The following TNFSF4 variants were observed in gnomAD, a reference collection of about 807,000 sequenced individuals.
The protein encoded by TNFSF4 is tumor necrosis factor ligand superfamily member 4.
In TNFSF4, 4 loss-of-function variants were observed where a neutral mutation model predicts 7.3. The ratio of observed to expected loss-of-function variants is 0.55; its 90% confidence interval spans 0.27 to 1.25. The LOEUF is 1.25. TNFSF4 is among the 50% of genes most tolerant of loss of function. The pLI, the probability that TNFSF4 is intolerant of heterozygous loss-of-function variation, is 0.12. For synonymous variants in TNFSF4, 76 were observed against 83.7 expected (o/e 0.91, Z 0.50); for missense variants, 181 against 208.8 (o/e 0.87, Z 0.82).
the TNFSF4 span, among the ~76,000 whole-genome samples, chr1:173,439,493 G>A: frequency 5.3e-5 from 8 of 152,184 alleles, no homozygotes; most frequent in African/African-American, 1.7e-4. Flanking sequence ...GGTTCAGGGG[G>A]CACCAGTGGC....
chr1:173,361,339 C>G, the TNFSF4 span, among the ~76,000 whole-genome samples: 2 of 152,194 alleles, frequency 1.3e-5, no homozygotes, highest in African/African-American at 4.8e-5. Context: ...TGAGCCACCC[C>G]TCTTCATAAG....
At chr1:173,421,385 T>C in the TNFSF4 span, among the ~76,000 whole-genome samples, 3 of 151,946 alleles carry the variant, frequency 2.0e-5, no homozygotes, top group Non-Finnish European at 4.4e-5. Flanking sequence ...AGGTAAGCAA[T>C]GTAATGAAGG....
chr1:173,206,952 G>T (rs958266917), intron 1 of TNFSF4, 72 bp downstream of exon 1: 3 of 1,488,432 alleles, frequency 2.0e-6, no homozygotes, highest in South Asian at 1.4e-5. Context: ...ATTTCCAAGC[G>T]ACTGTTTGCA....
At chr1:173,434,185 C>G in the TNFSF4 span, among the ~76,000 whole-genome samples, 1 of 152,200 alleles carries the variant, frequency 6.6e-6, no homozygotes, top group Non-Finnish European at 1.5e-5. Flanking sequence ...GTGGTATTTT[C>G]TTACAGCATC....
the TNFSF4 span, among the ~76,000 whole-genome samples, chr1:173,323,618 A>G: frequency 6.6e-6 from 1 of 152,196 alleles, no homozygotes; most frequent in Admixed American, 6.5e-5. Context: ...ACTTTGAAAA[A>G]AATTAGATGA....
chr1:173,246,606 T>C, the TNFSF4 span, among the ~76,000 whole-genome samples: 2 of 152,256 alleles, frequency 1.3e-5, no homozygotes, highest in African/African-American at 2.4e-5. Context: ...TCCTAAGAAA[T>C]GCTGAACATA....
chr1:173,203,765 G>C (rs572261119), intron 1 of TNFSF4, among the ~76,000 whole-genome samples: 136 of 152,312 alleles, frequency 8.9e-4, no homozygotes, highest in African/African-American at 3.1e-3. Flanking sequence ...TCAGGTCTTT[G>C]AGCATGATGA....
chr1:173,224,733 C>G, the TNFSF4 span, among the ~76,000 whole-genome samples: 1 of 152,182 alleles, frequency 6.6e-6, no homozygotes, highest in African/African-American at 2.4e-5. Context: ...ACTCCCTAAG[C>G]TATAGTGAAG....
the TNFSF4 span, among the ~76,000 whole-genome samples, chr1:173,234,544 C>T: frequency 1.3e-5 from 2 of 152,088 alleles, no homozygotes; most frequent in African/African-American, 4.8e-5. Flanking sequence ...TGGAACCAAC[C>T]CAAATGTCCA....
the TNFSF4 span, among the ~76,000 whole-genome samples, chr1:173,260,032 A>G: frequency 1.2e-4 from 18 of 152,294 alleles, no homozygotes; most frequent in South Asian, 3.5e-3. Context: ...CCCAAGACAC[A>G]TAATCGTCAG....
At chr1:173,245,961 C>T in the TNFSF4 span, among the ~76,000 whole-genome samples, 6 of 152,174 alleles carry the variant, frequency 3.9e-5, no homozygotes, top group Admixed American at 3.9e-4. Context: ...AGTTTTTGTA[C>T]TACATTTTTT....
the TNFSF4 span, among the ~76,000 whole-genome samples, chr1:173,302,251 T>G: frequency 1.3e-5 from 2 of 152,000 alleles, no homozygotes; most frequent in East Asian, 3.9e-4. Context: ...AAACACACTT[T>G]GACACTCATT....
At chr1:173,374,006 G>A in the TNFSF4 span, among the ~76,000 whole-genome samples, 1 of 152,142 alleles carries the variant, frequency 6.6e-6, no homozygotes, top group Non-Finnish European at 1.5e-5. Context: ...CCTCAGAGAA[G>A]GTCGAGAAGG....
chr1:173,353,514 G>T, the TNFSF4 span, among the ~76,000 whole-genome samples: 1 of 152,186 alleles, frequency 6.6e-6, no homozygotes, highest in Non-Finnish European at 1.5e-5. Context: ...AGCCACTCAT[G>T]ATCTCATTTG....
At chr1:173,257,204 A>G in the TNFSF4 span, among the ~76,000 whole-genome samples, 1 of 152,114 alleles carries the variant, frequency 6.6e-6, no homozygotes, top group Admixed American at 6.5e-5. Context: ...TGCACTGATG[A>G]CTCCATATTG....
the TNFSF4 span, among the ~76,000 whole-genome samples, chr1:173,222,511 G>C: frequency 6.6e-6 from 1 of 152,174 alleles, no homozygotes; most frequent in Admixed American, 6.5e-5. Flanking sequence ...AGGAAGGACT[G>C]GTTTAAAATT....
At chr1:173,420,423 T>A in the TNFSF4 span, among the ~76,000 whole-genome samples, 1 of 152,198 alleles carries the variant, frequency 6.6e-6, no homozygotes, top group African/African-American at 2.4e-5. Context: ...TGACGGCTCT[T>A]ACTGTCATGA....
rs1571181319 is a variant in TNFSF4, at chr1:173,186,112, T to C, written c.*404A>G. The C allele has an allele frequency of 1.8e-5, 3 of 165,720 alleles. No homozygotes were observed. Among genetic ancestry groups the C allele is most frequent in the African/African-American group, 7.5e-5 (3 of 40,048 alleles). 10.3% of individuals were successfully genotyped at this position (165,720 alleles called of 1,614,324 possible). A position where few individuals can be genotyped will look rare whatever the true frequency, so the allele number is the denominator to read the frequency against. On this transcript the variant is annotated 3_prime_UTR_variant, in exon 3 of 3. Coordinates refer to ENST00000281834, the MANE Select transcript of TNFSF4 (RefSeq NM_003326.5). ...CACTCCTTGCTCCTCTTCATTTTGA[T>C]AATGCCACACACATGTCAAATTTCC...
At chr1:173,414,298 T>A in the TNFSF4 span, among the ~76,000 whole-genome samples, 3 of 152,172 alleles carry the variant, frequency 2.0e-5, no homozygotes, top group Admixed American at 1.3e-4. Context: ...GCCTTTCCTC[T>A]GTGTGTGCAC....
Sources: allele counts gnomAD v4.1 joint callset (sites outside exome capture counted in the v4.1 genomes callset), GRCh38; gene constraint gnomAD v4.1.1; transcripts MANE v1.5; gene names NCBI Gene and HGNC (gene_info 2026-07-23, HGNC 2026-07-21).